Variants in SSH2 observed in about 807,000 individuals in gnomAD.
The protein encoded by SSH2 is protein phosphatase Slingshot homolog 2.
SSH2 carries 37 observed loss-of-function variants against 135.2 expected under a neutral mutation model. The ratio of observed to expected loss-of-function variants is 0.27; its 90% CI spans 0.21 to 0.36. The LOEUF is 0.36. Among genes scored for constraint, SSH2 ranks in the 10% least tolerant of loss-of-function variants. The pLI, the probability that SSH2 is intolerant of heterozygous loss-of-function variation, is 1.00. For missense variants in SSH2, 1,408 were observed against 1,765.3 expected (o/e 0.80, Z 3.63); for synonymous variants, 628 against 646.2 (o/e 0.97, Z 0.43).
intron 3 of SSH2, among the ~76,000 whole-genome samples, chr17:29,783,150 G>A (rs983711259): frequency 5.3e-5 from 8 of 152,080 alleles, no homozygotes; most frequent in African/African-American, 1.9e-4. Context: ...GTCAGTTCCT[G>A]AGTGGGGGCC....
At chr17:29,693,439 G>C (rs552587683) in intron 5 of SSH2, among the ~76,000 whole-genome samples, 1 of 152,134 alleles carries the variant, frequency 6.6e-6, no homozygotes, top group South Asian at 2.1e-4. Flanking sequence ...AGCCTCCTGA[G>C]TAGCTGGGAC....
chr17:29,636,602 G>C lies in SSH2; in HGVS notation c.1628C>G (p.Ala543Gly). 6.2e-7 allele frequency: 1 copy of C among 1,614,160 alleles called. No homozygotes were observed. Among genetic ancestry groups the C allele is most frequent in the Non-Finnish European group, 8.5e-7 (1 of 1,180,030 alleles). Residue 543 changes from alanine to glycine, a missense_variant, in exon 15 of 16, where the codon GCA becomes GGA. By Grantham distance (60) the Ala-to-Gly change is moderately conservative. Around this residue, in one of 3 missense-constraint regions of SSH2, gnomAD observed 1,080 missense variants for 1,144.5 expected, o/e 0.94. Transcript: ENST00000540801. The part of the protein sequence containing the change: ...VFVEHMVPQD[A>G]NQKGLCTKER... ...TTTGGTACACAGGCCTTTCTGATTT[G>C]CATCTTGTGGGACCATATGTTCCAC...
chr17:29,777,887 G>A (rs2041743853), intron 3 of SSH2: 1 of 151,456 alleles, frequency 6.6e-6, no homozygotes, highest in South Asian at 2.1e-4. Flanking sequence ...CCTGCCATGA[G>A]TAAGGGGCCA....
intron 3 of SSH2, among the ~76,000 whole-genome samples, chr17:29,712,899 T>C (rs987301030): frequency 1.3e-5 from 2 of 152,226 alleles, no homozygotes; most frequent in Non-Finnish European, 2.9e-5. Flanking sequence ...TAAAATCACA[T>C]AGCTAGTTAG....
In SSH2 at chr17:29,630,371, T is replaced by C. The variant is rs2035616231; in HGVS notation, c.*470A>G. 1 of 152,650 alleles carries C rather than the reference T, an allele frequency of 6.6e-6. No individual in the cohort carries two copies. Among genetic ancestry groups the C allele is most frequent in the South Asian group, 2.1e-4 (1 of 4,840 alleles). 9.5% of individuals were successfully genotyped at this position (152,650 alleles called of 1,614,324 possible). A position where few individuals can be genotyped will look rare whatever the true frequency, so the allele number is the denominator to read the frequency against. ...TGAAGGCTGAGAGCCCTCTGACTTC[T>C]GGCTGACCTTTAGCCCATTCGATGC... On this transcript the variant is annotated 3_prime_UTR_variant, in exon 16 of 16. Coordinates refer to ENST00000540801, the MANE Select transcript of SSH2 (RefSeq NM_001282129.2).
At chr17:29,749,972 T>A (rs1311809495) in intron 3 of SSH2, among the ~76,000 whole-genome samples, 2 of 152,180 alleles carry the variant, frequency 1.3e-5, no homozygotes, top group East Asian at 3.9e-4. Context: ...CCTCAAGTGA[T>A]CTGCTCACCT....
intron 3 of SSH2, among the ~76,000 whole-genome samples, chr17:29,769,012 C>T (rs1022148614): frequency 1.3e-5 from 2 of 151,824 alleles, no homozygotes; most frequent in African/African-American, 2.4e-5. Context: ...TCCAGGAATT[C>T]GAGACCAGCC....
At position 29,680,551 on chromosome 17, in the gene SSH2, C is replaced by CAAAAAAAAAAA. The variant is rs1160865828; in HGVS notation, c.480-2821_480-2811dup. ...TGGGAGACACAGCAAGACTCCCTCT[C>CAAAAAAAAAAA]AAAAAAAAAAAAAAAAAAAAAAAAA... On this transcript the variant is annotated intron_variant, in intron 6 of 15. Coordinates refer to ENST00000540801, the MANE Select transcript of SSH2 (RefSeq NM_001282129.2). 4.5e-3 allele frequency among the ~76,000 whole-genome samples: 98 copies of CAAAAAAAAAAA among 21,540 alleles called. 29 individuals are homozygous for CAAAAAAAAAAA. The highest frequency in any genetic ancestry group is 6.5e-3 in the African/African-American group (35 of 5,416). The allele number at this position is 21,540 out of a possible 152,430, so 14.1% of individuals were successfully genotyped here.
chr17:29,918,643 A>G (rs2151483142), intron 1 of SSH2, among the ~76,000 whole-genome samples: 1 of 152,290 alleles, frequency 6.6e-6, no homozygotes, highest in East Asian at 1.9e-4. Flanking sequence ...CTTGCTTAAT[A>G]ATGTTTCTTT....
At position 29,873,557 on chromosome 17, in the gene SSH2, T is replaced by TA. The variant is rs997753861; in HGVS notation, c.64-24629dup. ...TTGGGAGACAGAGCCAGACTATGTT[T>TA]AAAAAAAAAAAAAATTCCAAAGAAA... On this transcript the variant is annotated intron_variant, in intron 1 of 15. Coordinates refer to ENST00000540801, the MANE Select transcript of SSH2 (RefSeq NM_001282129.2). Among the ~76,000 whole-genome samples, 420 of 140,612 alleles carry TA rather than the reference T, an allele frequency of 3.0e-3. 1 individual carries two copies. Among genetic ancestry groups the TA allele is most frequent in the Admixed American group, 0.013 (187 of 14,070 alleles). 92.2% of individuals were successfully genotyped at this position (140,612 alleles called of 152,430 possible).
chr17:29,857,458 A>T (rs954263383), intron 1 of SSH2, among the ~76,000 whole-genome samples: 2 of 152,086 alleles, frequency 1.3e-5, no homozygotes, highest in Non-Finnish European at 2.9e-5. Context: ...TCAAGATGAG[A>T]TTTGGGTGGG....
At chr17:29,680,328 C>T (rs1012725048) in intron 6 of SSH2, among the ~76,000 whole-genome samples, 2 of 150,680 alleles carry the variant, frequency 1.3e-5, no homozygotes, top group African/African-American at 2.4e-5. Flanking sequence ...TTTGGGAGGC[C>T]GAGGTCAGGA....
chr17:29,710,719 C>T (rs1384714650), intron 3 of SSH2, among the ~76,000 whole-genome samples: 1 of 152,108 alleles, frequency 6.6e-6, no homozygotes, highest in Non-Finnish European at 1.5e-5. Context: ...ACACAACTAT[C>T]AATACTAATG....
At chr17:29,679,564 G>A (rs1182563361) in intron 6 of SSH2, among the ~76,000 whole-genome samples, 1 of 151,836 alleles carries the variant, frequency 6.6e-6, no homozygotes, top group Non-Finnish European at 1.5e-5. Context: ...GCACTACCAC[G>A]CCCAGCTAAT....
intron 1 of SSH2, among the ~76,000 whole-genome samples, chr17:29,892,728 T>C (rs540738397): frequency 6.9e-4 from 105 of 152,152 alleles, no homozygotes; most frequent in African/African-American, 2.5e-3. Context: ...GTACTAGAGC[T>C]CACTGTAATA....
chr17:29,908,816 C>T lies in SSH2; in HGVS notation c.63+21122G>A, dbSNP rs1237543546. 2.8e-5 allele frequency among the ~76,000 whole-genome samples: 4 copies of T among 143,796 alleles called. 1 individual carries two copies. In the Middle Eastern group the frequency reaches 0.013, roughly 449 times the overall value. 94.3% of individuals were successfully genotyped at this position (143,796 alleles called of 152,430 possible). ...AAAATTGGCCGGGAGTGGTGGCTCA[C>T]GCCTGTAATCCCAGCAATTTGAGAG... On this transcript the variant is annotated intron_variant, in intron 1 of 15. Coordinates refer to ENST00000540801, the MANE Select transcript of SSH2 (RefSeq NM_001282129.2).
chr17:29,928,580 G>A, intron 1 of SSH2: 1 of 398,492 alleles, frequency 2.5e-6, no homozygotes, highest in East Asian at 3.6e-5. Context: ...TCCCAGTTCT[G>A]CTCTCTGAAA....
At chr17:29,884,397 C>T (rs1416007818) in intron 1 of SSH2, among the ~76,000 whole-genome samples, 3 of 152,198 alleles carry the variant, frequency 2.0e-5, no homozygotes, top group African/African-American at 7.2e-5. Flanking sequence ...TCTACTTTTA[C>T]CCCTTACATA....
At chr17:29,856,012 G>T in intron 1 of SSH2, 1 of 392,392 alleles carries the variant, frequency 2.5e-6, no homozygotes, top group Non-Finnish European at 5.0e-6. Flanking sequence ...GTTACACTGG[G>T]CTTCCATTAC....
Sources: gnomAD v4.1 joint callset for allele counts (sites outside exome capture counted in the v4.1 genomes callset) on GRCh38, gnomAD v4.1.1 for gene constraint, gnomAD v4.1.1 regional missense constraint, MANE v1.5 for transcripts, NCBI Gene and HGNC (gene_info 2026-07-23, HGNC 2026-07-21) for gene names.